Variants in TAOK3 observed in about 807,000 individuals in gnomAD.
TAOK3 encodes serine/threonine-protein kinase TAO3.
A neutral mutation model predicts 120.4 loss-of-function variants in TAOK3; 40 were observed. That is an observed-to-expected ratio of 0.33 (90% CI 0.26 to 0.43). The LOEUF (loss-of-function observed/expected upper bound fraction) is 0.43. Among genes scored for constraint, TAOK3 ranks in the 20% least tolerant of loss-of-function variants. TAOK3 has a pLI of 1.00. For synonymous variants in TAOK3, 355 were observed against 387.5 expected, an observed-to-expected ratio of 0.92 and a Z score of 0.99; for missense variants, 821 against 1,112.1, an observed-to-expected ratio of 0.74 and a Z score of 3.72.
At chr12:118,244,870 G>A (rs767007962) in intron 4 of TAOK3, 24 bp downstream of exon 4, 9 of 1,543,142 alleles carry the variant, frequency 5.8e-6, no homozygotes, top group Non-Finnish European at 8.0e-6. Flanking sequence ...TTTCAGTTTA[G>A]GTATACAACT....
At chr12:118,288,106 C>G (rs994437758) in intron 1 of TAOK3, among the ~76,000 whole-genome samples, 1 of 151,770 alleles carries the variant, frequency 6.6e-6, no homozygotes, top group Non-Finnish European at 1.5e-5. Flanking sequence ...CAAAATTTCT[C>G]CTGTTTCTCC....
chr12:118,221,425 T>C (rs1331030419), intron 9 of TAOK3, among the ~76,000 whole-genome samples: 2 of 151,972 alleles, frequency 1.3e-5, no homozygotes, highest in African/African-American at 2.4e-5. Flanking sequence ...GGTTTCTCCA[T>C]GTTGGCCAGG....
At chr12:118,239,537 A>G (rs2040153946) in intron 5 of TAOK3, among the ~76,000 whole-genome samples, 1 of 152,222 alleles carries the variant, frequency 6.6e-6, no homozygotes, top group Non-Finnish European at 1.5e-5. Flanking sequence ...GGTGAAGCCA[A>G]GATTGCCAAT....
intron 14 of TAOK3, among the ~76,000 whole-genome samples, chr12:118,182,623 A>ATATTTT (rs371125415): frequency 1.3e-4 from 12 of 92,384 alleles, no homozygotes; most frequent in African/African-American, 5.4e-4. Context: ...ATATATATAT[A>ATATTTT]TTTTTTTTTT....
At chr12:118,205,768 G>A (rs942424886) in intron 11 of TAOK3, among the ~76,000 whole-genome samples, 2 of 151,806 alleles carry the variant, frequency 1.3e-5, no homozygotes, top group African/African-American at 2.4e-5. Flanking sequence ...GCACCATTAC[G>A]CCCAACTACT....
At position 118,372,810 on chromosome 12, in the gene TAOK3, G is replaced by C. The variant is rs575391653; in HGVS notation, c.-356C>G. The C allele has an allele frequency of 2.0e-5, 3 of 152,516 alleles. No homozygotes were observed. The highest frequency in any genetic ancestry group is 4.8e-5 in the African/African-American group (2 of 41,386). The allele number at this position is 152,516 out of a possible 1,614,324, so 9.4% of individuals were successfully genotyped here. A position where few individuals can be genotyped will look rare whatever the true frequency, so the allele number is the denominator to read the frequency against. The stretch of plus-strand genomic sequence containing the variant: ...GTGCGCAGCCTCTGCTCGCGGTCTC[G>C]GCGTTGCGTCCCACTCTCCACGCAG... On this transcript the variant is annotated 5_prime_UTR_variant, in exon 1 of 21. Transcript: ENST00000392533. This position sits in a 1 kb window ranked among gnomAD's most constrained non-coding sequence, Gnocchi z 4.6.
At chr12:118,249,942 A>G (rs1229850662) in intron 3 of TAOK3, among the ~76,000 whole-genome samples, 1 of 152,200 alleles carries the variant, frequency 6.6e-6, no homozygotes, top group Non-Finnish European at 1.5e-5. Flanking sequence ...GAATTAAACT[A>G]TTTGCTTTAG....
intron 13 of TAOK3, 47 bp from the exon 14 acceptor site, chr12:118,189,988 C>G (rs771631955): frequency 6.2e-7 from 1 of 1,605,374 alleles, no homozygotes; most frequent in South Asian, 1.1e-5. Flanking sequence ...TGTGCTCTTT[C>G]CTCGCCGGCT....
At chr12:118,353,264 T>C (rs117980208) in intron 1 of TAOK3, among the ~76,000 whole-genome samples, 3,401 of 152,118 alleles carry the variant, frequency 0.022, 52 homozygotes, top group Middle Eastern at 0.058. Flanking sequence ...AGGAAAAGCA[T>C]CTAACAGGTA....
intron 9 of TAOK3, among the ~76,000 whole-genome samples, chr12:118,225,798 G>C (rs182708942): frequency 2.0e-5 from 3 of 152,124 alleles, no homozygotes; most frequent in African/African-American, 7.2e-5. Context: ...GTGATGTTTT[G>C]ATGTTCATAT....
At chr12:118,249,560 T>TAA (rs772488477) in intron 3 of TAOK3, among the ~76,000 whole-genome samples, 12 of 107,208 alleles carry the variant, frequency 1.1e-4, no homozygotes, top group South Asian at 2.9e-4. Flanking sequence ...AGATTTTGTC[T>TAA]AAAAAAAAAA....
At chr12:118,354,946 C>T (rs1443660871) in intron 1 of TAOK3, among the ~76,000 whole-genome samples, 1 of 151,640 alleles carries the variant, frequency 6.6e-6, no homozygotes, top group African/African-American at 2.4e-5. Context: ...TTTTAATTAG[C>T]TATCTGGGAG....
At chr12:118,223,605 CAA>C (rs2039357247) in intron 9 of TAOK3, among the ~76,000 whole-genome samples, 2 of 151,190 alleles carry the variant, frequency 1.3e-5, no homozygotes, top group African/African-American at 4.9e-5. Context: ...CTCGGCCTCC[CAA>C]AGTGTTGGGA....
intron 1 of TAOK3, among the ~76,000 whole-genome samples, chr12:118,333,282 A>G (rs553296218): frequency 5.9e-5 from 9 of 152,356 alleles, no homozygotes; most frequent in African/African-American, 2.2e-4. Context: ...ATCATACTGA[A>G]TATGTCTTCT....
chr12:118,190,268 G>A (rs750338301), intron 13 of TAOK3: 18 of 188,728 alleles, frequency 9.5e-5, no homozygotes, highest in Non-Finnish European at 1.8e-4. Flanking sequence ...TGCTTAAAAC[G>A]CTGTAACCAG....
At chr12:118,324,346 T>C (rs1180768687) in intron 1 of TAOK3, among the ~76,000 whole-genome samples, 1 of 152,198 alleles carries the variant, frequency 6.6e-6, no homozygotes, top group Non-Finnish European at 1.5e-5. Flanking sequence ...ATATACAATA[T>C]AGATACATAT....
At chr12:118,278,599 G>C (rs927586720) in intron 1 of TAOK3, among the ~76,000 whole-genome samples, 5 of 152,112 alleles carry the variant, frequency 3.3e-5, no homozygotes, top group African/African-American at 1.2e-4. Flanking sequence ...GTGCTGCAAT[G>C]AGCATATGGG....
intron 3 of TAOK3, among the ~76,000 whole-genome samples, chr12:118,249,527 A>C (rs2040657438): frequency 6.6e-6 from 1 of 151,542 alleles, no homozygotes; most frequent in Non-Finnish European, 1.5e-5. Flanking sequence ...GCACCACTGC[A>C]CTACAGCCTA....
intron 12 of TAOK3, chr12:118,200,067 C>T (rs1029981505): frequency 6.6e-6 from 1 of 151,968 alleles, no homozygotes; most frequent in African/African-American, 2.4e-5. Flanking sequence ...TGTTACTTAG[C>T]CATGGCAATA....
Sources: gnomAD v4.1 joint callset for allele counts (sites outside exome capture counted in the v4.1 genomes callset) on GRCh38, gnomAD v4.1.1 for gene constraint, Gnocchi (gnomAD v3.1) non-coding constraint, MANE v1.5 for transcripts, NCBI Gene and HGNC (gene_info 2026-07-23, HGNC 2026-07-21) for gene names.